Variants in ANTXR1 observed in about 807,000 individuals in gnomAD.
The protein encoded by ANTXR1 is ANTXR cell adhesion molecule 1.
ANTXR1 carries 19 observed loss-of-function variants against 78.1 expected under a neutral mutation model. The observed-to-expected ratio is 0.24, with a 90% CI of 0.17 to 0.36. The LOEUF is 0.36. Ranked by LOEUF, ANTXR1 falls within the 10% of genes least tolerant of loss-of-function variation. The probability of loss-of-function intolerance (pLI) is 1.00; values close to 1 mark genes in which losing one functional copy is unlikely to be tolerated. For synonymous variants in ANTXR1, 273 were observed against 260.5 expected, an observed-to-expected ratio of 1.05 and a Z score of -0.46; for missense variants, 518 against 718.6, an observed-to-expected ratio of 0.72 and a Z score of 3.19.
intron 3 of ANTXR1, among the ~76,000 whole-genome samples, chr2:69,068,983 G>C (rs1670487379): frequency 6.6e-6 from 1 of 152,172 alleles, no homozygotes; most frequent in African/African-American, 2.4e-5. Context: ...GACTTGGGCG[G>C]CTGGGCATGT....
At chr2:69,229,902 G>T (rs1473190588) in intron 17 of ANTXR1, among the ~76,000 whole-genome samples, 1 of 152,138 alleles carries the variant, frequency 6.6e-6, no homozygotes, top group Non-Finnish European at 1.5e-5. Context: ...AGAGATGATG[G>T]TCAGTACCAA....
Position 69,073,142 on chromosome 2 carries a change from C to T in ANTXR1, c.492+41C>T, listed in dbSNP as rs113138542. 0.011 allele frequency: 17,982 copies of T among 1,587,664 alleles called. 1,711 individuals carry two copies. The African/African-American group carries it at 0.21, about 19-fold the overall frequency. The stretch of plus-strand genomic sequence containing the variant: ...GCTGTGTCTAAACATATACATGGAA[C>T]GGGGCTTCTCCTTTCTAAAATGGGC... On this transcript the variant is annotated intron_variant, in intron 6 of 17. Coordinates refer to ENST00000303714, the MANE Select transcript of ANTXR1 (RefSeq NM_032208.3).
At chr2:69,059,646 T>C (rs897570522) in intron 3 of ANTXR1, among the ~76,000 whole-genome samples, 1 of 152,236 alleles carries the variant, frequency 6.6e-6, no homozygotes, top group African/African-American at 2.4e-5. Flanking sequence ...GCCCGGCTAA[T>C]TTGAAGTATG....
At chr2:69,109,709 GA>G (rs1671919561) in intron 10 of ANTXR1, among the ~76,000 whole-genome samples, 1 of 152,148 alleles carries the variant, frequency 6.6e-6, no homozygotes, top group Non-Finnish European at 1.5e-5. Flanking sequence ...CCAGATGAAG[GA>G]AAACTTTTAA....
intron 9 of ANTXR1, 107 bp downstream of exon 9, chr2:69,091,026 G>C: frequency 8.4e-7 from 1 of 1,188,376 alleles, no homozygotes. Context: ...GAACAGGAAG[G>C]GGTAGGGTGA....
At chr2:69,202,141 A>T (rs1014929079) in intron 17 of ANTXR1, among the ~76,000 whole-genome samples, 3 of 152,182 alleles carry the variant, frequency 2.0e-5, no homozygotes, top group Admixed American at 2.0e-4. Context: ...AGAGAGAAGA[A>T]GTTAAGCACT....
chr2:69,053,792 C>T (rs1669996737), intron 3 of ANTXR1, among the ~76,000 whole-genome samples: 1 of 152,138 alleles, frequency 6.6e-6, no homozygotes, highest in Non-Finnish European at 1.5e-5. Context: ...AAATGATTCC[C>T]AGAGAGACAG....
At chr2:69,108,832 G>GTA (rs1314701866) in intron 10 of ANTXR1, among the ~76,000 whole-genome samples, 1 of 152,170 alleles carries the variant, frequency 6.6e-6, no homozygotes, top group Non-Finnish European at 1.5e-5. Context: ...ATTCCACGGT[G>GTA]TATATATACA....
At chr2:69,180,012 T>C (rs1304185734) in intron 14 of ANTXR1, among the ~76,000 whole-genome samples, 1 of 152,246 alleles carries the variant, frequency 6.6e-6, no homozygotes, top group African/African-American at 2.4e-5. Flanking sequence ...GTCAGAATGT[T>C]GTACGTCCTA....
rs10191848 is a variant in ANTXR1 at position 69,170,025 on chromosome 2, G to A, written c.1048-223G>A. 0.29 allele frequency among the ~76,000 whole-genome samples: 44,312 copies of A among 152,170 alleles called. 6,729 individuals are homozygous for A. The highest frequency in any genetic ancestry group is 0.47 in the South Asian group (2,245 of 4,822). ...TTTATTTCTCTATACAAAACCAGAA[G>A]AGACGCAAATGAGACTGGAACCCTC... On this transcript the variant is annotated intron_variant, in intron 13 of 17. Coordinates refer to ENST00000303714, the MANE Select transcript of ANTXR1 (RefSeq NM_032208.3).
At chr2:69,110,990 T>C (rs762315015) in intron 10 of ANTXR1, among the ~76,000 whole-genome samples, 1 of 152,216 alleles carries the variant, frequency 6.6e-6, no homozygotes. Context: ...ATGAAACCAC[T>C]ATTAATTTTT....
chr2:69,013,187 C>A lies in ANTXR1; in HGVS notation c.-313C>A, dbSNP rs1302170259. 2 of 307,494 alleles carry A rather than the reference C, an allele frequency of 6.5e-6. No homozygotes were observed. Among genetic ancestry groups the A allele is most frequent in the Non-Finnish European group, 1.3e-5 (2 of 155,508 alleles). 19.0% of individuals were successfully genotyped at this position (307,494 alleles called of 1,614,324 possible). The stretch of plus-strand genomic sequence containing the variant: ...GACAAAGAACCGTCGGGACGGAACT[C>A]CTTCCATTGCAAAAGCTCGGCGCGG... On this transcript the variant is annotated 5_prime_UTR_variant, in exon 1 of 18. Transcript: ENST00000303714. The surrounding 1 kb of genome is among the most constrained non-coding windows in gnomAD (Gnocchi z 5.0).
rs145374820 is a variant in ANTXR1, at chr2:69,126,944, G to A, written c.951+2301G>A. Among the ~76,000 whole-genome samples, 231 of 152,196 alleles carry A rather than the reference G, an allele frequency of 1.5e-3. 2 individuals carry two copies. The highest frequency in any genetic ancestry group is 5.1e-3 in the African/African-American group (210 of 41,522). On this transcript the variant is annotated intron_variant, in intron 12 of 17. Coordinates refer to ENST00000303714, the MANE Select transcript of ANTXR1 (RefSeq NM_032208.3). ...ATTTTCATGTGAGAATGCTGTATTC[G>A]TTTACAACAAAATTATAACCACTCT...
At chr2:69,139,071 A>T (rs980045201) in intron 12 of ANTXR1, among the ~76,000 whole-genome samples, 1 of 152,224 alleles carries the variant, frequency 6.6e-6, no homozygotes, top group African/African-American at 2.4e-5. Flanking sequence ...TTGTGAATGT[A>T]CTGATCCCTA....
chr2:69,201,466 G>A (rs776477228), intron 17 of ANTXR1, among the ~76,000 whole-genome samples: 15 of 152,150 alleles, frequency 9.9e-5, no homozygotes, highest in Non-Finnish European at 1.8e-4. Flanking sequence ...CCAGCCTGAC[G>A]AGGCTGTACT....
chr2:69,013,446 C>T lies in ANTXR1; in HGVS notation c.-54C>T. 1 of 1,572,854 alleles carries T rather than the reference C, an allele frequency of 6.4e-7. No homozygotes were observed. The highest frequency in any genetic ancestry group is 1.2e-5 in the South Asian group (1 of 85,632). On this transcript the variant is annotated 5_prime_UTR_variant, in exon 1 of 18. Transcript: ENST00000303714. This position sits in a 1 kb window ranked among gnomAD's most constrained non-coding sequence, Gnocchi z 5.0. Reference sequence around the variant, plus strand: ...GATGGCGCGTCCCTGAGGGTCGTGGCGAGTTCGCGGAGCGTGGGAAGGAGC... The same window carrying T: ...GATGGCGCGTCCCTGAGGGTCGTGGTGAGTTCGCGGAGCGTGGGAAGGAGC...
chr2:69,113,042 T>C (rs1193163277), intron 10 of ANTXR1, among the ~76,000 whole-genome samples: 1 of 152,046 alleles, frequency 6.6e-6, no homozygotes, highest in Non-Finnish European at 1.5e-5. Flanking sequence ...TGGACAGTCA[T>C]CCTTGATGTT....
intron 10 of ANTXR1, among the ~76,000 whole-genome samples, chr2:69,110,419 G>A (rs957813190): frequency 6.6e-6 from 1 of 152,110 alleles, no homozygotes; most frequent in African/African-American, 2.4e-5. Context: ...ACATCTAAAT[G>A]GTAACAACCT....
intron 10 of ANTXR1, among the ~76,000 whole-genome samples, chr2:69,114,005 A>G (rs1672066891): frequency 6.6e-6 from 1 of 152,206 alleles, no homozygotes. Context: ...AATACTTTGC[A>G]AGAACGCTGA....
Sources: gnomAD v4.1 joint callset for allele counts (sites outside exome capture counted in the v4.1 genomes callset) on GRCh38, gnomAD v4.1.1 for gene constraint, Gnocchi (gnomAD v3.1) non-coding constraint, MANE v1.5 for transcripts, NCBI Gene and HGNC (gene_info 2026-07-23, HGNC 2026-07-21) for gene names.